URI1: variants seen among roughly 807,000 people sequenced by gnomAD.
The protein encoded by URI1 is URI1 prefoldin like chaperone.
Under a neutral mutation model 60.2 loss-of-function variants are expected in URI1, and 39 were observed. The observed-to-expected ratio is 0.65, with a 90% CI of 0.50 to 0.85. The LOEUF is 0.85. Ranked by LOEUF, URI1 falls within the 40% of genes least tolerant of loss-of-function variation. URI1 has a pLI of 0.00. For missense variants in URI1, 691 were observed against 665.9 expected, an observed-to-expected ratio of 1.04 and a Z score of -0.42; for synonymous variants, 251 against 236.8, an observed-to-expected ratio of 1.06 and a Z score of -0.55.
At chr19:30,006,214 G>T (rs1050021528) in intron 6 of URI1, among the ~76,000 whole-genome samples, 4 of 152,068 alleles carry the variant, frequency 2.6e-5, no homozygotes, top group Admixed American at 2.0e-4. Context: ...TTTTGCCAAG[G>T]CTGGCTTATG....
chr19:29,975,797 C>T (rs909751923), intron 2 of URI1, among the ~76,000 whole-genome samples: 9 of 152,184 alleles, frequency 5.9e-5, no homozygotes, highest in African/African-American at 1.7e-4. Flanking sequence ...TGAGCCACCG[C>T]ACCCGGCCCC....
intron 1 of URI1, among the ~76,000 whole-genome samples, chr19:29,959,804 A>AT (rs34181887): frequency 0.83 from 125,713 of 151,654 alleles, 52,872 homozygotes; most frequent in Non-Finnish European, 0.9. Context: ...TTTGCCTTTG[A>AT]TTTTTTTCCT....
chr19:30,007,315 A>G (rs555212001), intron 6 of URI1, among the ~76,000 whole-genome samples, 155 bp from the exon 7 acceptor site: 7 of 152,042 alleles, frequency 4.6e-5, no homozygotes, highest in Non-Finnish European at 2.9e-5. Flanking sequence ...CAAGGCTGTA[A>G]GAGACATTCA....
intron 4 of URI1, among the ~76,000 whole-genome samples, chr19:30,001,725 A>AT (rs539942197): frequency 4.6e-5 from 7 of 151,666 alleles, no homozygotes; most frequent in Non-Finnish European, 5.9e-5. Context: ...GTTAGGTTCC[A>AT]TTTTTTTCTG....
chr19:30,015,285 G>A lies in URI1; in HGVS notation c.*216G>A. The A allele has an allele frequency of 1.4e-6, 2 of 1,417,536 alleles. No individual in the cohort carries two copies. The highest frequency in any genetic ancestry group is 1.8e-6 in the Non-Finnish European group (2 of 1,092,108). The allele number at this position is 1,417,536 out of a possible 1,614,324, so 87.8% of individuals were successfully genotyped here. ...TTGTTTTGTGAATTCTCTGAATACTGTCAACACTCTTATCTAAGTTTGCCT... is the reference window on the plus strand; with the variant it reads ...TTGTTTTGTGAATTCTCTGAATACTATCAACACTCTTATCTAAGTTTGCCT... On this transcript the variant is annotated 3_prime_UTR_variant, in exon 11 of 11. Transcript: ENST00000392271.
intron 1 of URI1, among the ~76,000 whole-genome samples, chr19:29,969,195 A>G (rs191002765): frequency 1.1e-4 from 16 of 152,332 alleles, no homozygotes; most frequent in African/African-American, 3.8e-4. Flanking sequence ...GTAAGGCAGC[A>G]TTTTGGTAGT....
At chr19:29,959,662 T>C (rs1330327994) in intron 1 of URI1, among the ~76,000 whole-genome samples, 2 of 152,222 alleles carry the variant, frequency 1.3e-5, no homozygotes, top group Admixed American at 6.5e-5. Flanking sequence ...TATCATAATA[T>C]CCTGTTATCT....
Position 29,961,937 on chromosome 19 carries a change from G to A in URI1, c.118-9256G>A, listed in dbSNP as rs917763285. 2.6e-5 allele frequency among the ~76,000 whole-genome samples: 4 copies of A among 152,022 alleles called. No individual in the cohort carries two copies. The South Asian group carries it at 8.3e-4, about 31-fold the overall frequency. On this transcript the variant is annotated intron_variant, in intron 1 of 10. Transcript: ENST00000392271. ...TGACCTCGGGTGATCCACCCACCTC[G>A]GCCTCCCAAAGTGCTGGGATTACAG... is the stretch of plus-strand genomic sequence containing the variant.
intron 2 of URI1, among the ~76,000 whole-genome samples, chr19:29,976,461 C>G (rs2055523892): frequency 6.6e-6 from 1 of 152,148 alleles, no homozygotes; most frequent in Non-Finnish European, 1.5e-5. Context: ...AGCTTACTTT[C>G]TATGGGCATC....
chr19:29,948,005 A>G (rs1461090667), intron 1 of URI1, among the ~76,000 whole-genome samples: 1 of 152,206 alleles, frequency 6.6e-6, no homozygotes, highest in Non-Finnish European at 1.5e-5. Flanking sequence ...ATGGATACCT[A>G]GTTGTCCCAT....
chr19:29,942,756 C>T (rs1029404722), intron 1 of URI1, 92 bp downstream of exon 1: 4 of 1,255,422 alleles, frequency 3.2e-6, no homozygotes, highest in East Asian at 3.1e-5. Context: ...CTAGGCCCAG[C>T]TGCCCGGGCC....
rs2056011785 is a variant in URI1 at position 30,011,076 on chromosome 19, C to G, written c.1036-18C>G. On this transcript the variant is annotated intron_variant, in intron 8 of 10. Coordinates refer to ENST00000392271, the MANE Select transcript of URI1 (RefSeq NM_003796.3). ...TAATTTGTCAAAAGATTCTTAATTT[C>G]TTGCTCTGAAATTTTAGGTCCGAAT... The G allele has an allele frequency of 6.3e-7, 1 of 1,592,102 alleles. No individual in the cohort carries two copies. The highest frequency in any genetic ancestry group is 8.5e-7 in the Non-Finnish European group (1 of 1,173,246).
upstream of URI1, among the ~76,000 whole-genome samples, chr19:29,938,767 C>T (rs1472941796): frequency 1.3e-5 from 2 of 151,946 alleles, no homozygotes; most frequent in Admixed American, 1.3e-4. Context: ...AGCTCTGCCT[C>T]CCGGGTTCAT....
intron 1 of URI1, among the ~76,000 whole-genome samples, chr19:29,958,828 C>T (rs1014970838): frequency 2.6e-5 from 4 of 151,572 alleles, no homozygotes; most frequent in Non-Finnish European, 5.9e-5. Context: ...GGTGTGGTGG[C>T]GGGGGCCTGT....
At chr19:30,013,532 T>A (rs1343100984) in intron 10 of URI1, among the ~76,000 whole-genome samples, 1 of 152,200 alleles carries the variant, frequency 6.6e-6, no homozygotes, top group African/African-American at 2.4e-5. Flanking sequence ...TGCTGATAAA[T>A]GTTTGAAAAT....
intron 1 of URI1, among the ~76,000 whole-genome samples, chr19:29,955,661 CT>C (rs11330190): frequency 0.82 from 121,392 of 147,730 alleles, 50,515 homozygotes; most frequent in Non-Finnish European, 0.9. Flanking sequence ...TTTTTCTTTT[CT>C]TTTTTTTTTT....
chr19:30,001,934 C>T (rs888868497), intron 4 of URI1, among the ~76,000 whole-genome samples: 22 of 152,088 alleles, frequency 1.4e-4, no homozygotes, highest in African/African-American at 5.3e-4. Flanking sequence ...AAGTCCAAAC[C>T]TTTGTACTGG....
chr19:30,001,065 G>GT (rs2145420203), intron 4 of URI1, among the ~76,000 whole-genome samples: 1 of 151,408 alleles, frequency 6.6e-6, no homozygotes, highest in East Asian at 1.9e-4. Context: ...AGGAGTATTT[G>GT]TTTTTTCTTT....
rs529740255 is a variant in URI1 at position 29,946,979 on chromosome 19, C to T, written c.117+4315C>T. On this transcript the variant is annotated intron_variant, in intron 1 of 10. Coordinates refer to ENST00000392271, the MANE Select transcript of URI1 (RefSeq NM_003796.3). ...AGTAGAAAAACAGGAAGGTAAGAGG[C>T]GTGTAGAGAATGAGGGATGTGAGTG... is the stretch of plus-strand genomic sequence containing the variant. Among the ~76,000 whole-genome samples the T allele has an allele frequency of 4.6e-5, 7 of 151,944 alleles. No homozygotes were observed. In the East Asian group the frequency reaches 5.8e-4, roughly 13 times the overall value.
Sources: gnomAD v4.1 joint callset for allele counts (sites outside exome capture counted in the v4.1 genomes callset) on GRCh38, gnomAD v4.1.1 for gene constraint, MANE v1.5 for transcripts, NCBI Gene and HGNC (gene_info 2026-07-23, HGNC 2026-07-21) for gene names.